Variants in CELSR1 observed in about 807,000 individuals in gnomAD.
CELSR1 encodes cadherin EGF LAG seven-pass G-type receptor 1, also known as adhesion G protein-coupled receptor C1.
In CELSR1, 110 loss-of-function variants were observed where a neutral mutation model predicts 249.1. The ratio of observed to expected loss-of-function variants is 0.44; its 90% CI spans 0.38 to 0.52. The LOEUF (loss-of-function observed/expected upper bound fraction) is 0.52, where lower values mean the gene tolerates loss of function less well. Among genes scored for constraint, CELSR1 ranks in the 20% least tolerant of loss-of-function variants. The pLI, the probability that CELSR1 is intolerant of heterozygous loss-of-function variation, is 0.00. For synonymous variants in CELSR1, 2,113 were observed against 1,900.0 expected, an observed-to-expected ratio of 1.11 and a Z score of -2.92; for missense variants, 4,109 against 4,296.4, an observed-to-expected ratio of 0.96 and a Z score of 1.22.
Position 46,436,293 on chromosome 22 carries a change from T to C in CELSR1, c.4407-4A>G. The C allele has an allele frequency of 1.9e-6, 3 of 1,612,242 alleles. No homozygotes were observed. Among genetic ancestry groups the C allele is most frequent in the Non-Finnish European group, 2.5e-6 (3 of 1,178,500 alleles). ...GTTCCTTTCCTGAGTGGCAAACCTGTGGGGCCAAGCAGAGGCACATCACAG... is the reference window on the plus strand; with the variant it reads ...GTTCCTTTCCTGAGTGGCAAACCTGCGGGGCCAAGCAGAGGCACATCACAG... On this transcript the variant is annotated splice_region_variant and splice_polypyrimidine_tract_variant and intron_variant, in intron 3 of 34. Transcript: ENST00000674500. The surrounding 1 kb of genome is among the most constrained non-coding windows in gnomAD (Gnocchi z 5.9).
chr22:46,504,843 C>T (rs1259217079), intron 1 of CELSR1, among the ~76,000 whole-genome samples: 2 of 152,162 alleles, frequency 1.3e-5, no homozygotes, highest in African/African-American at 4.8e-5. Flanking sequence ...CACACACAGA[C>T]CACACATCAA....
Position 46,394,271 on chromosome 22 carries a change from A to T in CELSR1, c.5844-9T>A, listed in dbSNP as rs745445911. ...GGCACGGAAGGTCGAGTCTGTGGGG[A>T]AAATAAGAGGGCAGCTGGAAGGTTT... On this transcript the variant is annotated splice_polypyrimidine_tract_variant and intron_variant, in intron 13 of 34. Transcript: ENST00000674500. 2.5e-6 allele frequency: 4 copies of T among 1,610,912 alleles called. No homozygotes were observed. The Admixed American group carries it at 6.7e-5, about 27-fold the overall frequency.
chr22:46,535,408 T>C lies in CELSR1; in HGVS notation c.1763A>G (p.Gln588Arg), dbSNP rs746743040. The part of the protein sequence containing the change: ...VPLGYPVVHI[Q>R]AVDADSGENA... Reference sequence around the variant, plus strand: ...CTCTCCAGAGTCCGCGTCCACCGCCTGAATGTGCACCACGGGGTAGCCCAG... The same window carrying C: ...CTCTCCAGAGTCCGCGTCCACCGCCCGAATGTGCACCACGGGGTAGCCCAG... The change falls in exon 1 of 35, where the codon CAG (glutamine) becomes CGG (arginine). Residue 588 changes from glutamine to arginine, a missense_variant. Physicochemically the swap from Gln to Arg is conservative, Grantham distance 43. Transcript: ENST00000674500. 3.7e-6 allele frequency: 6 copies of C among 1,609,208 alleles called. No homozygotes were observed. The highest frequency in any genetic ancestry group is 5.1e-6 in the Non-Finnish European group (6 of 1,178,008).
chr22:46,370,103 A>G (rs868487717), intron 25 of CELSR1: 7 of 509,994 alleles, frequency 1.4e-5, no homozygotes, highest in African/African-American at 1.2e-4. Context: ...TGGCAGTGAG[A>G]TGGTGCAGGA....
intron 19 of CELSR1, among the ~76,000 whole-genome samples, chr22:46,385,709 G>A (rs550796931): frequency 0.089 from 13,075 of 146,680 alleles, 809 homozygotes; most frequent in African/African-American, 0.17. Flanking sequence ...ACGGAGTCTG[G>A]CTCTCTCGCC....
intron 19 of CELSR1, among the ~76,000 whole-genome samples, chr22:46,386,026 A>G (rs553500852): frequency 2.0e-5 from 3 of 147,680 alleles, no homozygotes; most frequent in South Asian, 2.1e-4. Context: ...CTGGAGTGCA[A>G]TGGCGCAATC....
chr22:46,430,231 C>T lies in CELSR1; in HGVS notation c.4611+3162G>A, dbSNP rs1473868713. 6.6e-6 allele frequency among the ~76,000 whole-genome samples: 1 copy of T among 152,210 alleles called. No homozygotes were observed. The highest frequency in any genetic ancestry group is 2.4e-5 in the African/African-American group (1 of 41,448). On this transcript the variant is annotated intron_variant, in intron 5 of 34. Transcript: ENST00000674500. This position sits in a 1 kb window ranked among gnomAD's most constrained non-coding sequence, Gnocchi z 4.6. ...GGAGGGTGGGCAGCAGCGGCATGGCCCGCACCAATGCTTCCACCCTCTCCA... is the reference window on the plus strand; with the variant it reads ...GGAGGGTGGGCAGCAGCGGCATGGCTCGCACCAATGCTTCCACCCTCTCCA...
At chr22:46,439,102 G>A (rs576948459) in intron 3 of CELSR1, 87 bp downstream of exon 3, 53 of 1,290,036 alleles carry the variant, frequency 4.1e-5, no homozygotes, top group Admixed American at 3.9e-4. Flanking sequence ...GGACATCAAC[G>A]TCACGATCTA....
At position 46,393,932 on chromosome 22, in the gene CELSR1, C is replaced by T. The variant is rs1328320760; in HGVS notation, c.5964+210G>A. On this transcript the variant is annotated intron_variant, in intron 14 of 34. Coordinates refer to ENST00000674500, the MANE Select transcript of CELSR1 (RefSeq NM_001378328.1). The surrounding 1 kb of genome is among the most constrained non-coding windows in gnomAD (Gnocchi z 4.1). ...GAACCCGTAGTTTACACGTGGAAAG[C>T]AGCCATGGAGTATTCACAGAGCACG... Among the ~76,000 whole-genome samples, 6 of 152,192 alleles carry T rather than the reference C, an allele frequency of 3.9e-5. No homozygotes were observed. The highest frequency in any genetic ancestry group is 7.3e-5 in the Non-Finnish European group (5 of 68,038).
chr22:46,487,072 A>C (rs2080320216), intron 1 of CELSR1, among the ~76,000 whole-genome samples: 1 of 148,458 alleles, frequency 6.7e-6, no homozygotes, highest in East Asian at 2.0e-4. Flanking sequence ...CCACTTCCAC[A>C]CACCCAAGGT....
Position 46,537,160 on chromosome 22 carries a change from G to A in CELSR1, c.11C>T (p.Pro4Leu). 9.8e-7 allele frequency: 1 copy of A among 1,024,460 alleles called. No homozygotes were observed. The highest frequency in any genetic ancestry group is 1.2e-6 in the Non-Finnish European group (1 of 857,534). The allele number at this position is 1,024,460 out of a possible 1,614,324, so 63.5% of individuals were successfully genotyped here. ...CAGCACGGGCAGCACGGGCGGCGGCGGCGGCGCCATGGCCCGGAGCCCGAG... is the reference window on the plus strand; with the variant it reads ...CAGCACGGGCAGCACGGGCGGCGGCAGCGGCGCCATGGCCCGGAGCCCGAG... Reference protein sequence around the residue: MAPPPPPVLPVLLL... With the variant: MAPLPPPVLPVLLL... The change falls in exon 1 of 35, where the codon CCG (proline) becomes CTG (leucine). Residue 4 changes from proline to leucine, a missense_variant. Pro to Leu is a moderately conservative substitution (Grantham distance 98, BLOSUM62 -3). Around this residue, in one of 7 missense-constraint regions of CELSR1, gnomAD observed 673 missense variants for 636.8 expected, o/e 1.06. Coordinates refer to ENST00000674500, the MANE Select transcript of CELSR1 (RefSeq NM_001378328.1). This position sits in a 1 kb window ranked among gnomAD's most constrained non-coding sequence, Gnocchi z 5.8.
chr22:46,363,413 G>A lies in CELSR1; in HGVS notation c.9036-166C>T. ...TCATGTTGGATGAGGCTGCCCTTGG[G>A]AGGCAGGAGAGGGGACCAGGACCAG... On this transcript the variant is annotated intron_variant, in intron 34 of 34. Coordinates refer to ENST00000674500, the MANE Select transcript of CELSR1 (RefSeq NM_001378328.1). The surrounding 1 kb of genome is among the most constrained non-coding windows in gnomAD (Gnocchi z 4.3). The A allele has an allele frequency of 1.7e-6, 1 of 595,304 alleles. No homozygotes were observed. Among genetic ancestry groups the A allele is most frequent in the Non-Finnish European group, 3.0e-6 (1 of 334,968 alleles). The allele number at this position is 595,304 out of a possible 1,614,324, so 36.9% of individuals were successfully genotyped here.
intron 2 of CELSR1, among the ~76,000 whole-genome samples, chr22:46,452,857 G>C (rs1317045368): frequency 6.6e-6 from 1 of 152,210 alleles, no homozygotes; most frequent in East Asian, 1.9e-4. Flanking sequence ...TGCCACTGTC[G>C]GGCAGGCGGG....
rs923974386 is a variant in CELSR1 at position 46,464,895 on chromosome 22, G to A, written c.3545-550C>T. On this transcript the variant is annotated intron_variant, in intron 1 of 34. Transcript: ENST00000674500. The surrounding 1 kb of genome is among the most constrained non-coding windows in gnomAD (Gnocchi z 8.5). ...GTCCTGCCCAGGCGACATCCCCACC[G>A]ACGTGCTGTGCTGAGGGTCCCACTT... is the stretch of plus-strand genomic sequence containing the variant. Among the ~76,000 whole-genome samples, 1 of 152,004 alleles carries A rather than the reference G, an allele frequency of 6.6e-6. No homozygotes were observed. The highest frequency in any genetic ancestry group is 2.4e-5 in the African/African-American group (1 of 41,390).
In CELSR1 at chr22:46,535,484, G is replaced by A. The variant is rs1371942542; in HGVS notation, c.1687C>T (p.Pro563Ser). ...VQVLDVNDNEPIFVSSPFQAT... is the reference protein window; with the variant it reads ...VQVLDVNDNESIFVSSPFQAT... ...TGGAAGGGGCTGCTCACAAAGATAG[G>A]CTCGTTGTCGTTGACATCCAGCACC... The change falls in exon 1 of 35, where the codon CCT becomes TCT. Residue 563 changes from proline to serine, a missense_variant. Pro to Ser is a moderately conservative substitution (Grantham distance 74, BLOSUM62 -1). This residue lies in a region of CELSR1 where 135 missense variants were observed against 190.0 expected (regional missense o/e 0.71). Transcript: ENST00000674500. 6.2e-7 allele frequency: 1 copy of A among 1,612,160 alleles called. No homozygotes were observed. The highest frequency in any genetic ancestry group is 8.5e-7 in the Non-Finnish European group (1 of 1,179,496).
At chr22:46,387,467 G>GC (rs1407393164) in intron 18 of CELSR1, among the ~76,000 whole-genome samples, 3 of 149,560 alleles carry the variant, frequency 2.0e-5, no homozygotes, top group African/African-American at 7.7e-5. Flanking sequence ...TGCAGCCTCT[G>GC]CCTCCCGGGT....
Position 46,373,726 on chromosome 22 carries a change from GCA to G in CELSR1, c.7585-671_7585-670del, listed in dbSNP as rs1246878801. Among the ~76,000 whole-genome samples, 1,157 of 150,190 alleles carry G rather than the reference GCA, an allele frequency of 7.7e-3. 41 individuals are homozygous for G. The highest frequency in any genetic ancestry group is 0.026 in the African/African-American group (1,035 of 40,058). On this transcript the variant is annotated intron_variant, in intron 24 of 34. Coordinates refer to ENST00000674500, the MANE Select transcript of CELSR1 (RefSeq NM_001378328.1). ...GATGGGGGAGATGGGGGAGATGGGA[GCA>G]ATGGGAGCAATAGGAGCAATGGGAG...
rs1176459510 is a variant in CELSR1 at position 46,448,542 on chromosome 22, C to T, written c.4184-9131G>A. ...TTAAGTTCTTAAATAAATAAAAAGA[C>T]AATTCCTTTCTGGTCCTAAGAAACA... is the stretch of plus-strand genomic sequence containing the variant. On this transcript the variant is annotated intron_variant, in intron 2 of 34. Coordinates refer to ENST00000674500, the MANE Select transcript of CELSR1 (RefSeq NM_001378328.1). This position sits in a 1 kb window ranked among gnomAD's most constrained non-coding sequence, Gnocchi z 5.7. 20 of 439,136 alleles carry T rather than the reference C, an allele frequency of 4.6e-5. No individual in the cohort carries two copies. In the East Asian group the frequency reaches 1.4e-3, roughly 31 times the overall value. The allele number at this position is 439,136 out of a possible 1,614,324, so 27.2% of individuals were successfully genotyped here.
chr22:46,500,434 G>A lies in CELSR1; in HGVS notation c.3544+33193C>T, dbSNP rs1036786487. 6.6e-6 allele frequency among the ~76,000 whole-genome samples: 1 copy of A among 152,188 alleles called. No individual in the cohort carries two copies. Among genetic ancestry groups the A allele is most frequent in the African/African-American group, 2.4e-5 (1 of 41,452 alleles). ...AAACTGGCAGTCGGTGCAGGAGGGCGAACGGTTGATGGGCAACCATGGGGA... is the reference window on the plus strand; with the variant it reads ...AAACTGGCAGTCGGTGCAGGAGGGCAAACGGTTGATGGGCAACCATGGGGA... On this transcript the variant is annotated intron_variant, in intron 1 of 34. Transcript: ENST00000674500. The surrounding 1 kb of genome is among the most constrained non-coding windows in gnomAD (Gnocchi z 4.9).
Sources: allele counts gnomAD v4.1 joint callset (sites outside exome capture counted in the v4.1 genomes callset), GRCh38; gene constraint gnomAD v4.1.1; regional missense constraint gnomAD v4.1.1; non-coding constraint Gnocchi (gnomAD v3.1); transcripts MANE v1.5; gene names NCBI Gene and HGNC (gene_info 2026-07-23, HGNC 2026-07-21).